The following SGCD variants were observed in gnomAD, a reference collection of about 807,000 sequenced individuals.
SGCD encodes sarcoglycan delta.
SGCD carries 18 observed loss-of-function variants against 36.6 expected under a neutral mutation model. The ratio of observed to expected loss-of-function variants is 0.49; its 90% CI spans 0.34 to 0.73. SGCD has a LOEUF of 0.73. Ranked by LOEUF, SGCD falls within the 30% of genes least tolerant of loss-of-function variation. The probability of loss-of-function intolerance (pLI) is 0.01; values close to 1 mark genes in which losing one functional copy is unlikely to be tolerated. For synonymous variants in SGCD, 133 were observed against 130.6 expected (o/e 1.02, Z -0.12); for missense variants, 387 against 346.7 (o/e 1.12, Z -0.92).
At chr5:156,695,809 G>A (rs907099342) in intron 7 of SGCD, among the ~76,000 whole-genome samples, 1 of 152,232 alleles carries the variant, frequency 6.6e-6, no homozygotes, top group Non-Finnish European at 1.5e-5. Context: ...GTAACAAACA[G>A]CATAGCTGTG....
chr5:155,910,803 G>A (rs1294395855), intron 1 of SGCD, among the ~76,000 whole-genome samples: 1 of 152,148 alleles, frequency 6.6e-6, no homozygotes, highest in Non-Finnish European at 1.5e-5. Flanking sequence ...AGAGTGCATT[G>A]TCAAAGTGGA....
At chr5:155,744,509 G>T in the SGCD span, among the ~76,000 whole-genome samples, 3 of 152,070 alleles carry the variant, frequency 2.0e-5, no homozygotes, top group South Asian at 2.1e-4. Context: ...GGAGTAAAAA[G>T]CAATTATTTA....
chr5:156,640,450 T>C (rs1762988381), intron 6 of SGCD, among the ~76,000 whole-genome samples: 1 of 152,154 alleles, frequency 6.6e-6, no homozygotes, highest in African/African-American at 2.4e-5. Context: ...TAAAAATGGA[T>C]TTAAATATTT....
At chr5:156,107,857 T>C (rs1761684576) in intron 1 of SGCD, among the ~76,000 whole-genome samples, 1 of 152,210 alleles carries the variant, frequency 6.6e-6, no homozygotes, top group Non-Finnish European at 1.5e-5. Context: ...ATAGTGTTTA[T>C]AATAAATAAT....
Position 156,755,901 on chromosome 5 carries a change from T to G in SGCD, c.576-1680T>G, listed in dbSNP as rs138176265. Among the ~76,000 whole-genome samples, 1,024 of 152,272 alleles carry G rather than the reference T, an allele frequency of 6.7e-3. 5 individuals are homozygous for G. The highest frequency in any genetic ancestry group is 0.011 in the Non-Finnish European group (782 of 68,016). On this transcript the variant is annotated intron_variant, in intron 7 of 8. Transcript: ENST00000337851. ...GAAGCAATCCTCAGGAACCTAGACC[T>G]GAAAAATGTGGATGAGCTCTCTCTT...
chr5:156,340,512 T>A (rs1436605353), intron 2 of SGCD, among the ~76,000 whole-genome samples: 2 of 152,236 alleles, frequency 1.3e-5, no homozygotes, highest in African/African-American at 4.8e-5. Flanking sequence ...AAATATATTC[T>A]GCATTCAAAC....
chr5:155,787,028 G>A, the SGCD span, among the ~76,000 whole-genome samples: 1 of 152,200 alleles, frequency 6.6e-6, no homozygotes, highest in Non-Finnish European at 1.5e-5. Flanking sequence ...GTGCAAGCGG[G>A]CTTTGCTATT....
chr5:155,795,160 T>G, the SGCD span, among the ~76,000 whole-genome samples: 1 of 152,100 alleles, frequency 6.6e-6, no homozygotes, highest in Non-Finnish European at 1.5e-5. Flanking sequence ...CTGTCACCTG[T>G]GCTCAAATAT....
At chr5:156,526,595 T>G (rs1317263157) in intron 4 of SGCD, among the ~76,000 whole-genome samples, 1 of 152,192 alleles carries the variant, frequency 6.6e-6, no homozygotes, top group Non-Finnish European at 1.5e-5. Flanking sequence ...TGCGTTTCTT[T>G]GCTCACACAT....
chr5:155,832,788 T>C, the SGCD span, among the ~76,000 whole-genome samples: 2 of 151,936 alleles, frequency 1.3e-5, no homozygotes, highest in African/African-American at 2.4e-5. Flanking sequence ...AAAAATAATA[T>C]TTTGAATAGC....
the SGCD span, among the ~76,000 whole-genome samples, chr5:155,768,047 C>T: frequency 6.6e-6 from 1 of 152,022 alleles, no homozygotes; most frequent in Non-Finnish European, 1.5e-5. Context: ...TTCTTAAAAT[C>T]TTCCAGGGTT....
intron 3 of SGCD, among the ~76,000 whole-genome samples, chr5:156,404,221 C>T (rs984251): frequency 0.016 from 2,451 of 152,240 alleles, 73 homozygotes; most frequent in African/African-American, 0.057. Flanking sequence ...ATCGGCTTAC[C>T]TGTATTATGT....
At chr5:156,150,424 C>T (rs970892876) in intron 3 of SGCD, among the ~76,000 whole-genome samples, 5 of 151,828 alleles carry the variant, frequency 3.3e-5, no homozygotes, top group Non-Finnish European at 7.3e-5. Context: ...TCATGTTGTA[C>T]TGCGATCAGA....
chr5:156,472,661 G>A (rs1025318489), intron 3 of SGCD, among the ~76,000 whole-genome samples: 1 of 152,132 alleles, frequency 6.6e-6, no homozygotes, highest in African/African-American at 2.4e-5. Context: ...CAGGTGATCT[G>A]CCTGCTTCTG....
At chr5:156,281,259 C>T (rs769359268) in intron 3 of SGCD, among the ~76,000 whole-genome samples, 2 of 152,124 alleles carry the variant, frequency 1.3e-5, no homozygotes, top group Non-Finnish European at 2.9e-5. Context: ...TTTGTGTCCC[C>T]TTCTCTCATC....
chr5:156,571,879 A>G (rs1759739704), intron 4 of SGCD, among the ~76,000 whole-genome samples: 1 of 152,184 alleles, frequency 6.6e-6, no homozygotes, highest in Non-Finnish European at 1.5e-5. Flanking sequence ...TTATTACCCC[A>G]AACAGAAACG....
rs969140453 is a variant in SGCD at position 156,575,479 on chromosome 5, A to G, written c.295-13752A>G. Among the ~76,000 whole-genome samples the G allele has an allele frequency of 2.0e-5, 3 of 152,118 alleles. No individual in the cohort carries two copies. In the East Asian group the frequency reaches 5.8e-4, roughly 29 times the overall value. On this transcript the variant is annotated intron_variant, in intron 4 of 8. Transcript: ENST00000337851. ...CTAGAGTGCTAGTCCTATCTTTGCAATTTACCAGTATGCAAGTCTGGGTAA... is the reference window on the plus strand; with the variant it reads ...CTAGAGTGCTAGTCCTATCTTTGCAGTTTACCAGTATGCAAGTCTGGGTAA...
chr5:156,669,945 C>A (rs182253677), intron 7 of SGCD, among the ~76,000 whole-genome samples: 39 of 152,218 alleles, frequency 2.6e-4, no homozygotes, highest in Middle Eastern at 6.8e-3. Flanking sequence ...CTCTCAAAAT[C>A]ATGACTAGAC....
intron 1 of SGCD, among the ~76,000 whole-genome samples, chr5:155,907,430 A>T (rs934821354): frequency 1.3e-5 from 2 of 152,128 alleles, no homozygotes; most frequent in Admixed American, 6.6e-5. Flanking sequence ...ATAGATGGTG[A>T]CTTCTCTGAT....
Sources: gnomAD v4.1 joint callset for allele counts (sites outside exome capture counted in the v4.1 genomes callset) on GRCh38, gnomAD v4.1.1 for gene constraint, MANE v1.5 for transcripts, NCBI Gene and HGNC (gene_info 2026-07-23, HGNC 2026-07-21) for gene names.